CAMK4: variants seen among roughly 807,000 people sequenced by gnomAD.
The protein encoded by CAMK4 is calcium/calmodulin-dependent protein kinase type IV.
CAMK4 carries 22 observed loss-of-function variants against 44.9 expected under a neutral mutation model. The ratio of observed to expected loss-of-function variants is 0.49; its 90% CI spans 0.35 to 0.70. CAMK4 has a LOEUF of 0.70. CAMK4 is among the 30% of genes least tolerant of loss of function. The probability of loss-of-function intolerance (pLI) is 0.01; values close to 1 mark genes in which losing one functional copy is unlikely to be tolerated. For missense variants in CAMK4, 498 were observed against 586.8 expected, an observed-to-expected ratio of 0.85 and a Z score of 1.56; for synonymous variants, 218 against 215.4, an observed-to-expected ratio of 1.01 and a Z score of -0.11.
At chr5:111,476,439 A>G (rs967364327) in intron 8 of CAMK4, among the ~76,000 whole-genome samples, 1 of 151,702 alleles carries the variant, frequency 6.6e-6, no homozygotes, top group African/African-American at 2.4e-5. Context: ...CACCATGCCC[A>G]GCTAATTTTT....
intron 5 of CAMK4, among the ~76,000 whole-genome samples, chr5:111,420,731 G>A (rs936984923): frequency 1.3e-5 from 2 of 152,168 alleles, no homozygotes; most frequent in Admixed American, 6.5e-5. Context: ...AGAATTCAGC[G>A]ATATTTCTCC....
At chr5:111,481,157 T>A (rs1755421624) in intron 9 of CAMK4, among the ~76,000 whole-genome samples, 1 of 152,206 alleles carries the variant, frequency 6.6e-6, no homozygotes, top group Non-Finnish European at 1.5e-5. Context: ...TATAAATTTT[T>A]GGTGCACATT....
intron 1 of CAMK4, among the ~76,000 whole-genome samples, chr5:111,284,499 CT>C (rs1180924470): frequency 6.6e-6 from 1 of 152,186 alleles, no homozygotes; most frequent in Non-Finnish European, 1.5e-5. Context: ...CTTGTACAAA[CT>C]TGGTCCCAGA....
intron 1 of CAMK4, among the ~76,000 whole-genome samples, chr5:111,308,357 C>G (rs554039997): frequency 8.5e-5 from 13 of 152,114 alleles, no homozygotes; most frequent in Admixed American, 8.5e-4. Context: ...GCCTGGGGCT[C>G]AGAAATCCAA....
intron 1 of CAMK4, among the ~76,000 whole-genome samples, chr5:111,279,730 GTA>G (rs1750927052): frequency 6.6e-6 from 1 of 151,910 alleles, no homozygotes; most frequent in African/African-American, 2.4e-5. Flanking sequence ...GTGTATGTGT[GTA>G]TGTGCCTGCT....
chr5:111,478,529 T>A (rs756742251), intron 9 of CAMK4, 22 bp downstream of exon 9: 1 of 1,321,506 alleles, frequency 7.6e-7, no homozygotes, highest in African/African-American at 1.5e-5. Flanking sequence ...CAAAACAAAA[T>A]GAAACAAAAT....
At chr5:111,457,957 A>G (rs2112995297) in intron 7 of CAMK4, among the ~76,000 whole-genome samples, 1 of 152,334 alleles carries the variant, frequency 6.6e-6, no homozygotes, top group East Asian at 1.9e-4. Flanking sequence ...TTCCAGTTGC[A>G]CTGACTGTAA....
At chr5:111,399,142 C>T (rs928793993) in intron 5 of CAMK4, among the ~76,000 whole-genome samples, 1 of 152,086 alleles carries the variant, frequency 6.6e-6, no homozygotes, top group African/African-American at 2.4e-5. Flanking sequence ...ATTCAGGTTC[C>T]TTCTCATCAC....
intron 8 of CAMK4, among the ~76,000 whole-genome samples, chr5:111,475,985 T>C (rs78247625): frequency 0.019 from 2,933 of 152,292 alleles, 90 homozygotes; most frequent in African/African-American, 0.068. Flanking sequence ...ATTTTGTTAA[T>C]GCTTCCTGGG....
At chr5:111,253,879 C>G (rs930420246) in intron 1 of CAMK4, among the ~76,000 whole-genome samples, 1 of 152,082 alleles carries the variant, frequency 6.6e-6, no homozygotes, top group Non-Finnish European at 1.5e-5. Context: ...TACATAATGA[C>G]AAGTCAACTC....
chr5:111,244,785 C>T (rs1279697441), intron 1 of CAMK4, among the ~76,000 whole-genome samples: 11 of 152,004 alleles, frequency 7.2e-5, no homozygotes, highest in East Asian at 5.8e-4. Flanking sequence ...TGCTTGAACC[C>T]GGGAAGTGGA....
chr5:111,441,751 A>T (rs1230669702), intron 5 of CAMK4, among the ~76,000 whole-genome samples: 2 of 152,168 alleles, frequency 1.3e-5, no homozygotes, highest in African/African-American at 4.8e-5. Flanking sequence ...GCATTTATCT[A>T]TTTATGTTAA....
rs572751443 is a variant in CAMK4, at chr5:111,344,179, A to C, written c.240+77A>C. 2,555 of 850,158 alleles carry C rather than the reference A, an allele frequency of 3.0e-3. 20 individuals carry two copies. The highest frequency in any genetic ancestry group is 3.7e-3 in the South Asian group (264 of 70,428). The allele number at this position is 850,158 out of a possible 1,614,324, so 52.7% of individuals were successfully genotyped here. On this transcript the variant is annotated intron_variant, in intron 2 of 10. Transcript: ENST00000282356. ...AAGGCAGGAACCTGATTTGAAGAAC[A>C]AAGGGGCCAGAGAGCTGCTGTGTGC...
intron 1 of CAMK4, among the ~76,000 whole-genome samples, chr5:111,273,748 CACACACACAT>C (rs1750640279): frequency 2.2e-5 from 3 of 136,008 alleles, no homozygotes; most frequent in African/African-American, 8.5e-5. Flanking sequence ...CACACACGCT[CACACACACAT>C]ACACACACAC....
chr5:111,262,566 C>T (rs968132260), intron 1 of CAMK4, among the ~76,000 whole-genome samples: 7 of 152,164 alleles, frequency 4.6e-5, no homozygotes, highest in African/African-American at 1.7e-4. Context: ...AGAAGCCTGT[C>T]TAAAGTTGAA....
chr5:111,406,638 A>G (rs1752444831), intron 5 of CAMK4, among the ~76,000 whole-genome samples: 1 of 151,270 alleles, frequency 6.6e-6, no homozygotes, highest in African/African-American at 2.5e-5. Flanking sequence ...CTTCTAGACC[A>G]GATGACTCTG....
intron 8 of CAMK4, among the ~76,000 whole-genome samples, chr5:111,477,591 T>C (rs1755292289): frequency 6.6e-6 from 1 of 152,220 alleles, no homozygotes; most frequent in Non-Finnish European, 1.5e-5. Flanking sequence ...CGCTTTTCCT[T>C]TCTCTCTTGT....
intron 2 of CAMK4, among the ~76,000 whole-genome samples, chr5:111,345,736 T>C (rs1749836874): frequency 6.6e-6 from 1 of 151,856 alleles, no homozygotes; most frequent in Admixed American, 6.6e-5. Flanking sequence ...TCAAAAGTCT[T>C]TGGATAAATT....
chr5:111,444,081 T>G (rs1385327459), intron 5 of CAMK4, among the ~76,000 whole-genome samples: 2 of 152,158 alleles, frequency 1.3e-5, no homozygotes, highest in Non-Finnish European at 2.9e-5. Context: ...CCTTCGTTGT[T>G]ATTTTTCTTT....
Sources: allele counts gnomAD v4.1 joint callset (sites outside exome capture counted in the v4.1 genomes callset), GRCh38; gene constraint gnomAD v4.1.1; transcripts MANE v1.5; gene names NCBI Gene and HGNC (gene_info 2026-07-23, HGNC 2026-07-21).